UBASH3B: variants seen among roughly 807,000 people sequenced by gnomAD.
UBASH3B encodes ubiquitin-associated and SH3 domain-containing protein B.
A neutral mutation model predicts 83.4 loss-of-function variants in UBASH3B; 37 were observed. The ratio of observed to expected loss-of-function variants is 0.44; its 90% CI spans 0.34 to 0.58. The LOEUF is 0.58. UBASH3B is among the 20% of genes least tolerant of loss of function. The pLI is 0.01. For synonymous variants in UBASH3B, 304 were observed against 318.3 expected (o/e 0.96, Z 0.48); for missense variants, 657 against 827.2 (o/e 0.79, Z 2.52).
intron 1 of UBASH3B, among the ~76,000 whole-genome samples, chr11:122,737,989 A>G (rs1860961716): frequency 6.6e-6 from 1 of 152,196 alleles, no homozygotes; most frequent in South Asian, 2.1e-4. Flanking sequence ...AGAGTTTACA[A>G]AGGAAACTGA....
intron 6 of UBASH3B, among the ~76,000 whole-genome samples, chr11:122,790,812 G>A (rs367765067): frequency 3.9e-5 from 6 of 152,144 alleles, no homozygotes; most frequent in East Asian, 3.9e-4. Context: ...TCAGCTGGGC[G>A]TGGTGGCATA....
intron 1 of UBASH3B, among the ~76,000 whole-genome samples, chr11:122,756,098 G>A (rs1264250392): frequency 6.6e-6 from 1 of 152,136 alleles, no homozygotes; most frequent in African/African-American, 2.4e-5. Context: ...GGCCTAACAG[G>A]AATCAAGGCT....
Position 122,789,184 on chromosome 11 carries a change from A to G in UBASH3B, c.856A>G (p.Met286Val), listed in dbSNP as rs368772454. The change falls in exon 6 of 14, where the codon ATG becomes GTG. Residue 286 changes from methionine (M) to valine (V), a missense_variant. By Grantham distance (21) the Met-to-Val change is conservative. This residue lies in a region of UBASH3B where 573 missense variants were observed against 739.0 expected (regional missense o/e 0.78). Transcript: ENST00000284273. ...CGGGGACTTCATCTTCATGTCTCCAATGGAGCAGACCAGCACCAGCGAGGG... is the reference window on the plus strand; with the variant it reads ...CGGGGACTTCATCTTCATGTCTCCAGTGGAGCAGACCAGCACCAGCGAGGG... ...VPGDFIFMSPMEQTSTSEGWI... is the reference protein window; with the variant it reads ...VPGDFIFMSPVEQTSTSEGWI... The G allele has an allele frequency of 4.2e-5, 67 of 1,614,166 alleles. No homozygotes were observed. In the African/African-American group the frequency reaches 5.1e-4, roughly 12 times the overall value.
rs1861335260 is a variant in UBASH3B at position 122,806,034 on chromosome 11, G to T, written c.1596-376G>T. Among the ~76,000 whole-genome samples, 1 of 152,256 alleles carries T rather than the reference G, an allele frequency of 6.6e-6. No homozygotes were observed. Among genetic ancestry groups the T allele is most frequent in the African/African-American group, 2.4e-5 (1 of 41,462 alleles). ...AAAACCCATCCTTGCTGCTCTTGAAGAGAGGTCTGGGAAATCCCTGCTGAT... is the reference window on the plus strand; with the variant it reads ...AAAACCCATCCTTGCTGCTCTTGAATAGAGGTCTGGGAAATCCCTGCTGAT... On this transcript the variant is annotated intron_variant, in intron 11 of 13. Transcript: ENST00000284273. This position sits in a 1 kb window ranked among gnomAD's most constrained non-coding sequence, Gnocchi z 4.0.
intron 1 of UBASH3B, among the ~76,000 whole-genome samples, chr11:122,725,885 G>C (rs1197636209): frequency 1.3e-5 from 2 of 152,050 alleles, no homozygotes; most frequent in Admixed American, 1.3e-4. Context: ...GTAGAGACAG[G>C]GTTTTACCAT....
rs558039032 is a variant in UBASH3B, at chr11:122,768,923, G to A, written c.162-7296G>A. On this transcript the variant is annotated intron_variant, in intron 1 of 13. Transcript: ENST00000284273. ...AACGTCTAAAACCAACCCCTGTTAC[G>A]GGACAACCAGAGATGACTTGACTGC... is the stretch of plus-strand genomic sequence containing the variant. 8.5e-5 allele frequency among the ~76,000 whole-genome samples: 13 copies of A among 152,244 alleles called. No individual in the cohort carries two copies. The South Asian group carries it at 1.7e-3, about 19-fold the overall frequency.
Position 122,812,524 on chromosome 11 carries a change from G to A in UBASH3B, c.*2638G>A, listed in dbSNP as rs1456866614. On this transcript the variant is annotated 3_prime_UTR_variant, in exon 14 of 14. Transcript: ENST00000284273. ...TATTAAAACAAATGATGTATGGGGA[G>A]AGGAGAAGGAAGGGCAAGGAAGGAA... 1.3e-5 allele frequency: 2 copies of A among 152,204 alleles called. No homozygotes were observed. Among genetic ancestry groups the A allele is most frequent in the African/African-American group, 4.8e-5 (2 of 41,440 alleles). The allele number at this position is 152,204 out of a possible 1,614,324, so 9.4% of individuals were successfully genotyped here. A position where few individuals can be genotyped will look rare whatever the true frequency, so the allele number is the denominator to read the frequency against.
intron 5 of UBASH3B, among the ~76,000 whole-genome samples, chr11:122,785,261 T>C (rs1225993220): frequency 1.3e-5 from 2 of 152,244 alleles, no homozygotes; most frequent in Non-Finnish European, 2.9e-5. Context: ...TTCGTTCTGA[T>C]AAAGCTCTCC....
chr11:122,737,855 T>C (rs1860959630), intron 1 of UBASH3B, among the ~76,000 whole-genome samples: 1 of 152,066 alleles, frequency 6.6e-6, no homozygotes, highest in South Asian at 2.1e-4. Flanking sequence ...CCTTAGCATG[T>C]AGAAGCTGGA....
rs12789421 is a variant in UBASH3B at position 122,802,314 on chromosome 11, A to G, written c.1595+982A>G. Among the ~76,000 whole-genome samples, 532 of 67,986 alleles carry G rather than the reference A, an allele frequency of 7.8e-3. 3 individuals carry two copies. The highest frequency in any genetic ancestry group is 0.071 in the East Asian group (131 of 1,834). The allele number at this position is 67,986 out of a possible 152,430, so 44.6% of individuals were successfully genotyped here. A position where few individuals can be genotyped will look rare whatever the true frequency, so the allele number is the denominator to read the frequency against. Reference sequence around the variant, plus strand: ...TGGTGACAGAGTGAGACTCTGTCTGAAAAAAAAAAAAAAAAAAAAAAAGAA... The same window carrying G: ...TGGTGACAGAGTGAGACTCTGTCTGGAAAAAAAAAAAAAAAAAAAAAAGAA... On this transcript the variant is annotated intron_variant, in intron 11 of 13. Transcript: ENST00000284273.
intron 1 of UBASH3B, among the ~76,000 whole-genome samples, chr11:122,743,014 C>T (rs1278443685): frequency 2.0e-5 from 3 of 152,180 alleles, no homozygotes; most frequent in Non-Finnish European, 2.9e-5. Context: ...GCCCTGGGTG[C>T]CCCCTCCCTG....
At chr11:122,670,919 C>T (rs765382795) in intron 1 of UBASH3B, among the ~76,000 whole-genome samples, 55 of 151,918 alleles carry the variant, frequency 3.6e-4, no homozygotes, top group Non-Finnish European at 6.9e-4. Flanking sequence ...TGCTCCACCA[C>T]GCCCGGCTAA....
In UBASH3B at chr11:122,759,772, G is replaced by A. The variant is rs370025816; in HGVS notation, c.162-16447G>A. ...AGAGCTCAGGCAGTAATGCTCACTCGCCTGCCTGCCTGCTGTGCAGCCTGG... is the reference window on the plus strand; with the variant it reads ...AGAGCTCAGGCAGTAATGCTCACTCACCTGCCTGCCTGCTGTGCAGCCTGG... On this transcript the variant is annotated intron_variant, in intron 1 of 13. Coordinates refer to ENST00000284273, the MANE Select transcript of UBASH3B (RefSeq NM_032873.5). The surrounding 1 kb of genome is among the most constrained non-coding windows in gnomAD (Gnocchi z 4.1). Among the ~76,000 whole-genome samples the A allele has an allele frequency of 4.3e-4, 66 of 152,320 alleles. No individual in the cohort carries two copies. The East Asian group carries it at 9.3e-3, about 21-fold the overall frequency.
intron 1 of UBASH3B, among the ~76,000 whole-genome samples, chr11:122,676,762 G>A (rs1395217329): frequency 6.6e-6 from 1 of 152,114 alleles, no homozygotes; most frequent in African/African-American, 2.4e-5. Context: ...TTGAACTGTT[G>A]TCTCCCTGTC....
intron 6 of UBASH3B, among the ~76,000 whole-genome samples, chr11:122,792,480 A>G (rs1861075732): frequency 6.6e-6 from 1 of 151,754 alleles, no homozygotes; most frequent in African/African-American, 2.4e-5. Context: ...CACCACGCCC[A>G]GCTAATTTTT....
At chr11:122,683,271 A>G (rs1347272609) in intron 1 of UBASH3B, among the ~76,000 whole-genome samples, 1 of 150,490 alleles carries the variant, frequency 6.6e-6, no homozygotes, top group East Asian at 2.0e-4. Context: ...TAGATGTATC[A>G]TTTAGTCTGT....
Position 122,673,774 on chromosome 11 carries a change from C to T in UBASH3B, c.161+17564C>T, listed in dbSNP as rs1006447463. 2.0e-5 allele frequency among the ~76,000 whole-genome samples: 3 copies of T among 152,194 alleles called. No homozygotes were observed. The East Asian group carries it at 5.8e-4, about 29-fold the overall frequency. On this transcript the variant is annotated intron_variant, in intron 1 of 13. Transcript: ENST00000284273. ...CAATCCTATCTCCTTGTTTGGTCCT[C>T]TTTGCTCTGGAATTGCTCTTTCTGC...
intron 1 of UBASH3B, among the ~76,000 whole-genome samples, chr11:122,670,360 C>G (rs1367228942): frequency 6.6e-6 from 1 of 152,124 alleles, no homozygotes; most frequent in Non-Finnish European, 1.5e-5. Flanking sequence ...TGTTCCTATT[C>G]TTGTGGCCTC....
rs1025661551 is a variant in UBASH3B at position 122,762,910 on chromosome 11, C to T, written c.162-13309C>T. On this transcript the variant is annotated intron_variant, in intron 1 of 13. Coordinates refer to ENST00000284273, the MANE Select transcript of UBASH3B (RefSeq NM_032873.5). ...GATTGATTAGATAATAATGCACAGG[C>T]ATATGTGCAAAGGTTATTTGTGTTA... is the stretch of plus-strand genomic sequence containing the variant. Among the ~76,000 whole-genome samples, 41 of 152,344 alleles carry T rather than the reference C, an allele frequency of 2.7e-4. 1 individual carries two copies. In the Middle Eastern group the frequency reaches 0.014, roughly 51 times the overall value.
Sources: allele counts gnomAD v4.1 joint callset (sites outside exome capture counted in the v4.1 genomes callset), GRCh38; gene constraint gnomAD v4.1.1; regional missense constraint gnomAD v4.1.1; non-coding constraint Gnocchi (gnomAD v3.1); transcripts MANE v1.5; gene names NCBI Gene and HGNC (gene_info 2026-07-23, HGNC 2026-07-21).